The following COLQ variants were observed in gnomAD, a reference collection of about 807,000 sequenced individuals.
The protein encoded by COLQ is collagen like tail subunit of asymmetric acetylcholinesterase.
A neutral mutation model predicts 69.0 loss-of-function variants in COLQ; 48 were observed. The observed-to-expected ratio is 0.70, with a 90% confidence interval of 0.55 to 0.88. COLQ has a LOEUF of 0.88. Among genes scored for constraint, COLQ ranks in the 40% least tolerant of loss-of-function variants. The probability of loss-of-function intolerance (pLI) is 0.00; values close to 1 mark genes in which losing one functional copy is unlikely to be tolerated. For synonymous variants in COLQ, 217 were observed against 211.2 expected, an observed-to-expected ratio of 1.03 and a Z score of -0.24; for missense variants, 618 against 594.6, an observed-to-expected ratio of 1.04 and a Z score of -0.41.
At chr3:15,484,392 T>G (rs112631257) in intron 3 of COLQ, among the ~76,000 whole-genome samples, 10,101 of 152,208 alleles carry the variant, frequency 0.066, 535 homozygotes, top group African/African-American at 0.15. Context: ...CAGGAACTCT[T>G]GAAAGGCAGG....
chr3:15,457,845 C>T (rs1279995121), intron 13 of COLQ, among the ~76,000 whole-genome samples: 1 of 152,124 alleles, frequency 6.6e-6, no homozygotes, highest in Non-Finnish European at 1.5e-5. Flanking sequence ...TCTCGAACTC[C>T]TGACCTTATA....
Position 15,475,457 on chromosome 3 carries a change from A to G in COLQ, c.496T>C (p.Leu166=). 2 of 1,602,486 alleles carry G rather than the reference A, an allele frequency of 1.2e-6. No homozygotes were observed. The highest frequency in any genetic ancestry group is 1.7e-6 in the Non-Finnish European group (2 of 1,173,856). The change falls in exon 7 of 17, where the codon TTG becomes CTG. Residue 166 remains leucine (L), a synonymous_variant. Coordinates refer to ENST00000383788, the MANE Select transcript of COLQ (RefSeq NM_005677.4). Reference sequence around the variant, plus strand: ...CCCATTGGTCCTCTTGACCCTGGCAAGCCCATCATACCCAGGTCACCTTTT... The same window carrying G: ...CCCATTGGTCCTCTTGACCCTGGCAGGCCCATCATACCCAGGTCACCTTTT... ...GEKGDLGMMG[L]PGSRGPMGSK...
At position 15,470,558 on chromosome 3, in the gene COLQ, C is replaced by A; in HGVS notation, c.695G>T (p.Arg232Ile). The A allele has an allele frequency of 1.2e-6, 2 of 1,614,040 alleles. No individual in the cohort carries two copies. The highest frequency in any genetic ancestry group is 1.1e-5 in the South Asian group (1 of 91,066). The change falls in exon 11 of 17, where the codon AGA becomes ATA. Residue 232 changes from arginine (R) to isoleucine (I), a missense_variant. By Grantham distance (97) the Arg-to-Ile change is moderately conservative. Transcript: ENST00000383788. ...GIAGHRGPTGRPGKRGKQGQK... is the reference protein window; with the variant it reads ...GIAGHRGPTGIPGKRGKQGQK... ...TACCTGCTTGCCTCGTTTTCCTGGT[C>A]TTCCTGTGGGTCCTCGGTGTCCTGC...
At position 15,518,736 on chromosome 3, in the gene COLQ, C is replaced by T. The variant is rs117339206; in HGVS notation, c.106+2784G>A. On this transcript the variant is annotated intron_variant, in intron 1 of 16. Coordinates refer to ENST00000383788, the MANE Select transcript of COLQ (RefSeq NM_005677.4). ...CTCTTCCTCCATCACAACCCCTTTC[C>T]GGGGCATTTACCACACGCCACCTGT... 8.3e-4 allele frequency among the ~76,000 whole-genome samples: 127 copies of T among 152,312 alleles called. No individual in the cohort carries two copies. In the East Asian group the frequency reaches 0.015, roughly 18 times the overall value.
chr3:15,489,422 T>C, intron 2 of COLQ, 103 bp downstream of exon 2: 2 of 1,071,002 alleles, frequency 1.9e-6, no homozygotes, highest in East Asian at 2.5e-5. Flanking sequence ...TCAGAAAAGA[T>C]TCCGGAGGCA....
At chr3:15,494,764 C>T (rs2062720621) in intron 1 of COLQ, among the ~76,000 whole-genome samples, 1 of 152,138 alleles carries the variant, frequency 6.6e-6, no homozygotes, top group South Asian at 2.1e-4. Flanking sequence ...CCTTGTATCC[C>T]TCTGACCAAA....
chr3:15,495,885 G>A (rs2062739004), intron 1 of COLQ, among the ~76,000 whole-genome samples: 1 of 152,094 alleles, frequency 6.6e-6, no homozygotes, highest in Non-Finnish European at 1.5e-5. Context: ...ACGTTTTTAA[G>A]GTCCCCTGGC....
chr3:15,466,296 G>T, intron 12 of COLQ, 45 bp downstream of exon 12: 1 of 1,414,120 alleles, frequency 7.1e-7, no homozygotes, highest in East Asian at 2.3e-5. Context: ...TGGGAGGCTG[G>T]CCAGTACTCC....
At chr3:15,510,087 A>C (rs1233794061) in intron 1 of COLQ, among the ~76,000 whole-genome samples, 1 of 151,950 alleles carries the variant, frequency 6.6e-6, no homozygotes, top group Admixed American at 6.5e-5. Flanking sequence ...GAGGCAGGAG[A>C]ATGGCGTGAG....
intron 1 of COLQ, among the ~76,000 whole-genome samples, chr3:15,495,116 G>A (rs781288364): frequency 7.2e-5 from 11 of 152,232 alleles, no homozygotes; most frequent in Non-Finnish European, 1.5e-4. Flanking sequence ...ACTGCATGTG[G>A]TAGAAATGAA....
At chr3:15,477,101 A>C in intron 6 of COLQ, 25 bp downstream of exon 6, 8 of 1,586,826 alleles carry the variant, frequency 5.0e-6, no homozygotes, top group Non-Finnish European at 6.9e-6. Flanking sequence ...ACACCGCATG[A>C]GCCCTGAGAG....
At chr3:15,487,744 G>C (rs1481164577) in intron 3 of COLQ, among the ~76,000 whole-genome samples, 3 of 152,220 alleles carry the variant, frequency 2.0e-5, no homozygotes, top group African/African-American at 7.2e-5. Context: ...CTTTGGTGGG[G>C]AGGGGTGGGC....
intron 1 of COLQ, among the ~76,000 whole-genome samples, chr3:15,513,725 G>A (rs919211780): frequency 3.3e-5 from 5 of 152,098 alleles, no homozygotes; most frequent in Non-Finnish European, 5.9e-5. Context: ...TACACACCAC[G>A]GTGCCTTTGA....
At chr3:15,497,515 A>T (rs1185488950) in intron 1 of COLQ, among the ~76,000 whole-genome samples, 1 of 152,136 alleles carries the variant, frequency 6.6e-6, no homozygotes, top group Non-Finnish European at 1.5e-5. Context: ...CAATCCAACA[A>T]ATGTGTCATT....
intron 12 of COLQ, among the ~76,000 whole-genome samples, chr3:15,462,174 G>A (rs1355820951): frequency 6.6e-6 from 1 of 151,996 alleles, no homozygotes; most frequent in Non-Finnish European, 1.5e-5. Flanking sequence ...GATTACAGGT[G>A]CCCGCTACCA....
At chr3:15,486,495 C>T (rs536142262) in intron 3 of COLQ, among the ~76,000 whole-genome samples, 28 of 152,270 alleles carry the variant, frequency 1.8e-4, no homozygotes, top group African/African-American at 5.8e-4. Flanking sequence ...GGGGATTGCA[C>T]GAGGTTAGAG....
chr3:15,458,826 T>C (rs2062064003), intron 12 of COLQ, among the ~76,000 whole-genome samples: 1 of 152,084 alleles, frequency 6.6e-6, no homozygotes, highest in Admixed American at 6.5e-5. Context: ...TAAAAAACTT[T>C]TGTTTTTCTT....
chr3:15,492,418 G>T (rs1001421397), intron 1 of COLQ, among the ~76,000 whole-genome samples: 2 of 152,194 alleles, frequency 1.3e-5, no homozygotes, highest in African/African-American at 4.8e-5. Context: ...TTTAATCCCA[G>T]CACTTTGGGA....
intron 6 of COLQ, 53 bp from the exon 7 acceptor site, chr3:15,475,540 GA>G: frequency 6.6e-7 from 1 of 1,506,996 alleles, no homozygotes; most frequent in Non-Finnish European, 9.0e-7. Context: ...TAGAGAAACT[GA>G]ACCAGGAAGT....
Sources: gnomAD v4.1 joint callset for allele counts (sites outside exome capture counted in the v4.1 genomes callset) on GRCh38, gnomAD v4.1.1 for gene constraint, MANE v1.5 for transcripts, NCBI Gene and HGNC (gene_info 2026-07-23, HGNC 2026-07-21) for gene names.